Variants in TMPRSS12 observed in about 807,000 individuals in gnomAD.
TMPRSS12 encodes the protein transmembrane serine protease 12, also known as transmembrane protease serine 12.
TMPRSS12 carries 25 observed loss-of-function variants against 26.0 expected under a neutral mutation model. The ratio of observed to expected loss-of-function variants is 0.96; its 90% CI spans 0.70 to 1.34. TMPRSS12 has a LOEUF of 1.34. Among genes scored for constraint, TMPRSS12 ranks in the 40% most tolerant of loss-of-function variants. TMPRSS12 has a pLI of 0.00. For missense variants in TMPRSS12, 441 were observed against 440.1 expected (o/e 1.00, Z -0.02); for synonymous variants, 150 against 161.7 (o/e 0.93, Z 0.55).
At chr12:50,879,939 C>G (rs1206867977) in intron 3 of TMPRSS12, among the ~76,000 whole-genome samples, 1 of 151,932 alleles carries the variant, frequency 6.6e-6, no homozygotes, top group Non-Finnish European at 1.5e-5. Context: ...TCACTGCACT[C>G]CAGCCTGAGC....
Position 50,844,335 on chromosome 12 carries a change from C to G in TMPRSS12, c.383+298C>G, listed in dbSNP as rs144963445. ...ACTACATTAGGTATTTCTCTTAATG[C>G]TATCCCTCCCCTAGCCCCCTACCCA... On this transcript the variant is annotated intron_variant, in intron 2 of 4. Coordinates refer to ENST00000398458, the MANE Select transcript of TMPRSS12 (RefSeq NM_182559.3). Among the ~76,000 whole-genome samples, 1,191 of 151,488 alleles carry G rather than the reference C, an allele frequency of 7.9e-3. 21 individuals carry two copies. Among genetic ancestry groups the G allele is most frequent in the African/African-American group, 0.027 (1,109 of 41,340 alleles).
chr12:50,863,926 T>C (rs1937963004), intron 3 of TMPRSS12, among the ~76,000 whole-genome samples: 1 of 152,214 alleles, frequency 6.6e-6, no homozygotes, highest in Admixed American at 6.5e-5. Flanking sequence ...CTGCATAAAA[T>C]GTACACTTGA....
Position 50,842,934 on chromosome 12 carries a change from C to A in TMPRSS12, c.-31C>A, listed in dbSNP as rs1164304285. ...GCGTGCCCAGGGCGGGTGGGAAGTA[C>A]CTGCCGCCATCTTGCTCACCAGCCT... On this transcript the variant is annotated 5_prime_UTR_variant, in exon 1 of 5. Transcript: ENST00000398458. The A allele has an allele frequency of 6.5e-7, 1 of 1,539,872 alleles. No homozygotes were observed. Among genetic ancestry groups the A allele is most frequent in the Non-Finnish European group, 8.8e-7 (1 of 1,138,250 alleles).
chr12:50,844,957 C>T (rs766375413), intron 2 of TMPRSS12, among the ~76,000 whole-genome samples: 2 of 152,064 alleles, frequency 1.3e-5, no homozygotes, highest in Non-Finnish European at 2.9e-5. Flanking sequence ...GAAGCCAAGA[C>T]GGGAGGATCA....
intron 1 of TMPRSS12, among the ~76,000 whole-genome samples, chr12:50,843,540 T>C (rs1287846331): frequency 6.6e-6 from 1 of 152,222 alleles, no homozygotes; most frequent in African/African-American, 2.4e-5. Context: ...GCTCTTTAAC[T>C]GCTATTTCAC....
rs772699677 is a variant in TMPRSS12, at chr12:50,887,534, T to C, written c.*21T>C. The C allele has an allele frequency of 1.2e-5, 19 of 1,602,262 alleles. No homozygotes were observed. In the South Asian group the frequency reaches 2.1e-4, roughly 18 times the overall value. On this transcript the variant is annotated 3_prime_UTR_variant, in exon 5 of 5. Transcript: ENST00000398458. Reference sequence around the variant, plus strand: ...CATAAAGAAATTCTGAAGGCTTTCATATCTTTATTTTGCATTGTGTCCCTT... The same window carrying C: ...CATAAAGAAATTCTGAAGGCTTTCACATCTTTATTTTGCATTGTGTCCCTT...
At position 50,887,419 on chromosome 12, in the gene TMPRSS12, T is replaced by G. The variant is rs1938238574; in HGVS notation, c.953T>G (p.Phe318Cys). The G allele has an allele frequency of 1.2e-6, 2 of 1,613,952 alleles. No individual in the cohort carries two copies. The highest frequency in any genetic ancestry group is 8.5e-7 in the Non-Finnish European group (1 of 1,179,870). ...CAAAAGTGGCTGACAGAGCATTTCT[T>G]CCATGCAAGCACTCAAGGCATACTT... ...FYQKWLTEHF[F>C]HASTQGILTI... Residue 318 changes from phenylalanine to cysteine, a missense_variant, in exon 5 of 5, where the codon TTC (phenylalanine) becomes TGC (cysteine). Physicochemically the swap from Phe to Cys is radical, Grantham distance 205 (BLOSUM62 -2). Coordinates refer to ENST00000398458, the MANE Select transcript of TMPRSS12 (RefSeq NM_182559.3).
chr12:50,870,371 T>G (rs1938030956), intron 3 of TMPRSS12, among the ~76,000 whole-genome samples: 1 of 151,176 alleles, frequency 6.6e-6, no homozygotes, highest in Admixed American at 6.6e-5. Context: ...TCTCAATAGA[T>G]GCAGAAGAGG....
chr12:50,858,086 C>T (rs1422958082), intron 2 of TMPRSS12, among the ~76,000 whole-genome samples: 1 of 152,238 alleles, frequency 6.6e-6, no homozygotes, highest in Non-Finnish European at 1.5e-5. Context: ...TCGTGATCTG[C>T]CTGCCTTGGC....
At chr12:50,861,998 C>T (rs1304965152) in intron 3 of TMPRSS12, among the ~76,000 whole-genome samples, 7 of 152,100 alleles carry the variant, frequency 4.6e-5, no homozygotes, top group African/African-American at 1.4e-4. Flanking sequence ...TTAGTAGAGA[C>T]GGGGTTTCAC....
At chr12:50,857,584 G>C (rs1937890587) in intron 2 of TMPRSS12, among the ~76,000 whole-genome samples, 1 of 152,126 alleles carries the variant, frequency 6.6e-6, no homozygotes, top group Non-Finnish European at 1.5e-5. Flanking sequence ...GATTCCAGAA[G>C]TTAACTACTG....
chr12:50,887,383 C>T lies in TMPRSS12; in HGVS notation c.917C>T (p.Pro306Leu), dbSNP rs1938237995. The stretch of plus-strand genomic sequence containing the variant: ...GGTTTTCCTGGTGTCTATATTGGGC[C>T]ATCCTTCTACCAAAAGTGGCTGACA... Reference protein sequence around the residue: ...RRGFPGVYIGPSFYQKWLTEH... With the variant: ...RRGFPGVYIGLSFYQKWLTEH... The change falls in exon 5 of 5, where the codon CCA becomes CTA. Residue 306 changes from proline to leucine, a missense_variant. Transcript: ENST00000398458. 1.9e-6 allele frequency: 3 copies of T among 1,613,780 alleles called. No individual in the cohort carries two copies. In the East Asian group the frequency reaches 6.7e-5, roughly 36 times the overall value.
At chr12:50,872,319 C>T (rs1363889727) in intron 3 of TMPRSS12, among the ~76,000 whole-genome samples, 1 of 150,968 alleles carries the variant, frequency 6.6e-6, no homozygotes, top group East Asian at 1.9e-4. Context: ...CGAGACCATC[C>T]TGGCTAACAA....
chr12:50,867,556 G>A (rs1261673272), intron 3 of TMPRSS12, among the ~76,000 whole-genome samples: 1 of 152,168 alleles, frequency 6.6e-6, no homozygotes, highest in Non-Finnish European at 1.5e-5. Flanking sequence ...ATATTTGGGG[G>A]AATAATCGAG....
At chr12:50,845,495 C>T (rs1937759438) in intron 2 of TMPRSS12, among the ~76,000 whole-genome samples, 1 of 152,192 alleles carries the variant, frequency 6.6e-6, no homozygotes, top group Admixed American at 6.5e-5. Context: ...TAGGTCTCTC[C>T]TGATGAGTCA....
chr12:50,865,693 A>T (rs1029555454), intron 3 of TMPRSS12, among the ~76,000 whole-genome samples: 3 of 139,784 alleles, frequency 2.1e-5, no homozygotes, highest in African/African-American at 7.6e-5. Flanking sequence ...GAAGTTGAAC[A>T]ACAAAGAAAA....
chr12:50,861,983 G>A (rs762601563), intron 3 of TMPRSS12, among the ~76,000 whole-genome samples: 1 of 152,010 alleles, frequency 6.6e-6, no homozygotes, highest in Non-Finnish European at 1.5e-5. Flanking sequence ...CTAATTTTTT[G>A]TATTTTAGTA....
chr12:50,866,356 C>T (rs980289432), intron 3 of TMPRSS12, among the ~76,000 whole-genome samples: 6 of 152,058 alleles, frequency 3.9e-5, no homozygotes, highest in Admixed American at 1.3e-4. Flanking sequence ...CTGTGATTGC[C>T]AGCTTTTCCC....
chr12:50,882,801 G>A (rs1173310107), intron 3 of TMPRSS12, among the ~76,000 whole-genome samples: 1 of 152,170 alleles, frequency 6.6e-6, no homozygotes, highest in African/African-American at 2.4e-5. Context: ...TAAAAAACCA[G>A]AACTCAGAAC....
Sources: gnomAD v4.1 joint callset for allele counts (sites outside exome capture counted in the v4.1 genomes callset) on GRCh38, gnomAD v4.1.1 for gene constraint, MANE v1.5 for transcripts, NCBI Gene and HGNC (gene_info 2026-07-23, HGNC 2026-07-21) for gene names.